PAK4: variants seen among roughly 807,000 people sequenced by gnomAD.
The protein encoded by PAK4 is serine/threonine-protein kinase PAK 4.
In PAK4, 49 loss-of-function variants were observed where a neutral mutation model predicts 53.5. The ratio of observed to expected loss-of-function variants is 0.92; its 90% CI spans 0.73 to 1.16. The LOEUF is 1.16. PAK4 is among the 50% of genes most tolerant of loss of function. The pLI is 0.00. For missense variants in PAK4, 824 were observed against 850.7 expected (o/e 0.97, Z 0.39); for synonymous variants, 376 against 375.6 (o/e 1.00, Z -0.01).
intron 1 of PAK4, among the ~76,000 whole-genome samples, chr19:39,162,039 A>G (rs1055174301): frequency 4.6e-5 from 7 of 151,932 alleles, no homozygotes; most frequent in Non-Finnish European, 8.8e-5. Context: ...GGCTCGCTGC[A>G]ACTTCCACCT....
chr19:39,177,078 G>A (rs2004104), intron 7 of PAK4, among the ~76,000 whole-genome samples: 2 of 152,130 alleles, frequency 1.3e-5, no homozygotes, highest in Admixed American at 6.5e-5. Context: ...TGTTGGCCAG[G>A]TTGGTCTTGA....
At chr19:39,150,226 C>T (rs190824452) in intron 1 of PAK4, among the ~76,000 whole-genome samples, 27 of 152,116 alleles carry the variant, frequency 1.8e-4, no homozygotes, top group African/African-American at 5.3e-4. Context: ...CTTGCTGCAG[C>T]GCTGGGAGAG....
chr19:39,137,937 AT>A (rs537228304), intron 1 of PAK4, among the ~76,000 whole-genome samples: 33 of 148,062 alleles, frequency 2.2e-4, no homozygotes, highest in Non-Finnish European at 3.9e-4. Flanking sequence ...AAGTGCTGGG[AT>A]TACAGGCGGG....
chr19:39,176,895 G>C (rs1399241724), intron 7 of PAK4, among the ~76,000 whole-genome samples, 180 bp downstream of exon 8: 4 of 151,628 alleles, frequency 2.6e-5, no homozygotes, highest in Admixed American at 6.6e-5. Context: ...TTGAGATGGA[G>C]TCTCGCTCTG....
intron 1 of PAK4, chr19:39,134,897 GC>G (rs1001371683): frequency 3.3e-5 from 5 of 152,240 alleles, no homozygotes; most frequent in Admixed American, 1.3e-4. Context: ...GAGCCACTGT[GC>G]CCAGCCCCAT....
intron 4 of PAK4, among the ~76,000 whole-genome samples, chr19:39,174,298 G>C (rs905899019): frequency 6.6e-6 from 1 of 151,516 alleles, no homozygotes; most frequent in South Asian, 2.1e-4. Context: ...ACTGAGGCCC[G>C]CCTGGGCTCC....
At chr19:39,169,264 G>C (rs1262129426) in intron 1 of PAK4, among the ~76,000 whole-genome samples, 1 of 152,102 alleles carries the variant, frequency 6.6e-6, no homozygotes, top group Non-Finnish European at 1.5e-5. Flanking sequence ...GGTGAGAACA[G>C]AGAGGTGATG....
chr19:39,169,298 CAG>C (rs1437369103), intron 1 of PAK4, among the ~76,000 whole-genome samples: 1 of 152,078 alleles, frequency 6.6e-6, no homozygotes, highest in African/African-American at 2.4e-5. Flanking sequence ...CCGCAGGAGA[CAG>C]AGCGGCAGGA....
chr19:39,150,106 T>TA (rs1404124685), intron 1 of PAK4, among the ~76,000 whole-genome samples: 1 of 152,134 alleles, frequency 6.6e-6, no homozygotes, highest in Non-Finnish European at 1.5e-5. Context: ...TTTACCATAA[T>TA]AAAAATAAAT....
intron 8 of PAK4, 100 bp downstream of exon 9, chr19:39,177,909 C>CATCCCAGGCGCCA: frequency 7.3e-7 from 1 of 1,366,668 alleles, no homozygotes; most frequent in Non-Finnish European, 1.0e-6. Flanking sequence ...ATGATGGCGC[C>CATCCCAGGCGCCA]TGGGATGGCG....
rs78838946 is a variant in PAK4 at position 39,137,474 on chromosome 19, G to A, written c.-23+11555G>A. Among the ~76,000 whole-genome samples, 1,487 of 152,250 alleles carry A rather than the reference G, an allele frequency of 9.8e-3. 24 individuals are homozygous for A. Among genetic ancestry groups the A allele is most frequent in the African/African-American group, 0.033 (1,356 of 41,522 alleles). On this transcript the variant is annotated intron_variant, in intron 1 of 8. Coordinates refer to ENST00000358301, the Ensembl canonical transcript of PAK4. ...GAAATCCCAGGAGGTAGCTGCACCC[G>A]TGTGACCCATTTCACAGATTGGGAG... is the stretch of plus-strand genomic sequence containing the variant.
chr19:39,156,303 C>G (rs2074179839), intron 1 of PAK4, among the ~76,000 whole-genome samples: 1 of 151,696 alleles, frequency 6.6e-6, no homozygotes, highest in Admixed American at 6.6e-5. Context: ...GGGCTCTATC[C>G]TGCACCTAGT....
Position 39,144,868 on chromosome 19 carries a change from G to A in PAK4, c.-23+18949G>A, listed in dbSNP as rs117378872. On this transcript the variant is annotated intron_variant, in intron 1 of 8. Transcript: ENST00000358301. ...GCAGGCACATGCAAATACAGAGAAA[G>A]CTTTCAGTTGTCAGGATCGCTCTCC... 6.0e-3 allele frequency among the ~76,000 whole-genome samples: 918 copies of A among 152,266 alleles called. 4 individuals are homozygous for A. Among genetic ancestry groups the A allele is most frequent in the Non-Finnish European group, 8.5e-3 (577 of 68,026 alleles).
chr19:39,133,289 T>G (rs561474058), intron 1 of PAK4, among the ~76,000 whole-genome samples: 48 of 152,370 alleles, frequency 3.2e-4, no homozygotes, highest in African/African-American at 1.2e-3. Context: ...GCTCAAAGAC[T>G]GTTAGCTGCG....
intron 1 of PAK4, among the ~76,000 whole-genome samples, chr19:39,158,169 TTG>T (rs1344547185): frequency 6.0e-5 from 9 of 149,246 alleles, no homozygotes; most frequent in South Asian, 2.1e-4. Flanking sequence ...GTGTGCATGT[TTG>T]TGAGTGTGCA....
chr19:39,149,797 A>C (rs865874708), intron 1 of PAK4, among the ~76,000 whole-genome samples: 4 of 152,212 alleles, frequency 2.6e-5, no homozygotes, highest in Middle Eastern at 3.2e-3. Flanking sequence ...CGGAGGTTGC[A>C]GTGAGCTGAG....
intron 1 of PAK4, among the ~76,000 whole-genome samples, chr19:39,148,267 A>G (rs1170500055): frequency 1.3e-5 from 2 of 151,238 alleles, no homozygotes; most frequent in Non-Finnish European, 2.9e-5. Context: ...TTTATTCTAC[A>G]TACTAGTCTT....
intron 6 of PAK4, 57 bp from the exon 8 acceptor site, chr19:39,176,532 CT>C: frequency 3.1e-6 from 5 of 1,609,414 alleles, no homozygotes; most frequent in Non-Finnish European, 4.2e-6. Flanking sequence ...GCAGACGCCC[CT>C]GCTCGCCCTC....
Position 39,173,788 on chromosome 19 carries a change from A to G in PAK4, c.876A>G (p.Pro292=), listed in dbSNP as rs780718273. Residue 292 remains proline (P), a synonymous_variant, in exon 4 of 9, where the codon CCA becomes CCG. Transcript: ENST00000358301. The surrounding 1 kb of genome is among the most constrained non-coding windows in gnomAD (Gnocchi z 6.9). ...CTGGGCCCCCTGGCCCCCGCTCACCACAGCGGGAGCCACAGCGAGTATCCC... is the reference window on the plus strand; with the variant it reads ...CTGGGCCCCCTGGCCCCCGCTCACCGCAGCGGGAGCCACAGCGAGTATCCC... The G allele has an allele frequency of 1.1e-5, 18 of 1,605,658 alleles. No individual in the cohort carries two copies. The highest frequency in any genetic ancestry group is 1.5e-5 in the Non-Finnish European group (18 of 1,177,268).
Sources: gnomAD v4.1 joint callset for allele counts (sites outside exome capture counted in the v4.1 genomes callset) on GRCh38, gnomAD v4.1.1 for gene constraint, Gnocchi (gnomAD v3.1) non-coding constraint, MANE v1.5 for transcripts, NCBI Gene and HGNC (gene_info 2026-07-23, HGNC 2026-07-21) for gene names.